Variants in NELL1 observed in about 807,000 individuals in gnomAD.
NELL1 encodes neural EGFL like 1.
In NELL1, 76 loss-of-function variants were observed where a neutral mutation model predicts 107.4. The observed-to-expected ratio is 0.71, with a 90% CI of 0.59 to 0.86. The LOEUF (loss-of-function observed/expected upper bound fraction) is 0.86, where lower values mean the gene tolerates loss of function less well. Among genes scored for constraint, NELL1 ranks in the 40% least tolerant of loss-of-function variants. The probability of loss-of-function intolerance (pLI) is 0.00; values close to 1 mark genes in which losing one functional copy is unlikely to be tolerated. For synonymous variants in NELL1, 353 were observed against 341.2 expected (o/e 1.03, Z -0.38); for missense variants, 1,024 against 1,005.5 (o/e 1.02, Z -0.25).
intron 15 of NELL1, among the ~76,000 whole-genome samples, chr11:21,507,038 T>C (rs1319868735): frequency 6.9e-6 from 1 of 145,830 alleles, no homozygotes; most frequent in African/African-American, 2.5e-5. Context: ...TAATGTGTTC[T>C]CCAAATTTTA....
intron 4 of NELL1, among the ~76,000 whole-genome samples, chr11:20,864,026 C>T (rs1849047030): frequency 6.6e-6 from 1 of 152,120 alleles, no homozygotes; most frequent in South Asian, 2.1e-4. Flanking sequence ...GAGAATCAGG[C>T]AGGGAGGCTG....
At chr11:20,880,228 C>T (rs1849383060) in intron 4 of NELL1, among the ~76,000 whole-genome samples, 1 of 152,136 alleles carries the variant, frequency 6.6e-6, no homozygotes, top group Non-Finnish European at 1.5e-5. Flanking sequence ...CATAAGTAAG[C>T]ATCTAAGATA....
At chr11:20,933,443 G>T (rs1016757730) in intron 9 of NELL1, among the ~76,000 whole-genome samples, 2 of 152,162 alleles carry the variant, frequency 1.3e-5, no homozygotes, top group African/African-American at 4.8e-5. Flanking sequence ...AATACATTCC[G>T]TTTGACATGT....
At chr11:21,268,887 G>A (rs1211001519) in intron 14 of NELL1, among the ~76,000 whole-genome samples, 1 of 152,056 alleles carries the variant, frequency 6.6e-6, no homozygotes, top group Non-Finnish European at 1.5e-5. Context: ...AACATGAAAA[G>A]GATTCTAATG....
intron 15 of NELL1, among the ~76,000 whole-genome samples, chr11:21,533,772 C>T (rs558136418): frequency 5.3e-4 from 80 of 152,274 alleles, no homozygotes; most frequent in Non-Finnish European, 9.0e-4. Context: ...AGTTCCCAAA[C>T]TGTGTTCCCC....
chr11:20,935,491 G>A (rs1451224819), intron 9 of NELL1, among the ~76,000 whole-genome samples: 1 of 152,154 alleles, frequency 6.6e-6, no homozygotes, highest in Admixed American at 6.5e-5. Flanking sequence ...TAGGGTGAAT[G>A]AAATCACGGG....
chr11:21,253,627 T>A (rs1206233182), intron 14 of NELL1, among the ~76,000 whole-genome samples: 1 of 152,156 alleles, frequency 6.6e-6, no homozygotes, highest in Non-Finnish European at 1.5e-5. Context: ...CAACTTGTGA[T>A]ACTTTTGGGA....
intron 15 of NELL1, among the ~76,000 whole-genome samples, chr11:21,434,034 T>A (rs557155841): frequency 6.6e-6 from 1 of 152,334 alleles, no homozygotes; most frequent in South Asian, 2.1e-4. Context: ...CATTTTTTAA[T>A]GGGATTATAT....
intron 12 of NELL1, among the ~76,000 whole-genome samples, chr11:21,094,367 T>A (rs1854591555): frequency 1.3e-5 from 2 of 152,240 alleles, no homozygotes; most frequent in African/African-American, 4.8e-5. Flanking sequence ...ATTGAGTGTC[T>A]GCATCTTTTC....
intron 11 of NELL1, among the ~76,000 whole-genome samples, chr11:20,956,079 C>A (rs561364673): frequency 1.3e-5 from 2 of 152,138 alleles, no homozygotes; most frequent in African/African-American, 4.8e-5. Context: ...ATTAGCCCGG[C>A]ATGGTGGTAC....
rs1285821673 is a variant in NELL1, at chr11:20,912,440, G to A, written c.604-5742G>A. ...TTGATTACCCACTCAATTTCCCTTT[G>A]ATGCATTCTGAGCTGATTATGCTGT... On this transcript the variant is annotated intron_variant, in intron 5 of 19. Coordinates refer to ENST00000357134, the MANE Select transcript of NELL1 (RefSeq NM_006157.5). Among the ~76,000 whole-genome samples the A allele has an allele frequency of 2.6e-5, 4 of 152,098 alleles. No individual in the cohort carries two copies. In the South Asian group the frequency reaches 8.3e-4, roughly 31 times the overall value.
In NELL1 at chr11:21,463,841, C is replaced by G. The variant is rs375444574; in HGVS notation, c.1646-70533C>G. Reference sequence around the variant, plus strand: ...AGATCTAGGGACTCAGATGGAAAGACTCCAGCTGGAAGACTCTAACCTGGA... The same window carrying G: ...AGATCTAGGGACTCAGATGGAAAGAGTCCAGCTGGAAGACTCTAACCTGGA... On this transcript the variant is annotated intron_variant, in intron 15 of 19. Coordinates refer to ENST00000357134, the MANE Select transcript of NELL1 (RefSeq NM_006157.5). Among the ~76,000 whole-genome samples, 353 of 152,204 alleles carry G rather than the reference C, an allele frequency of 2.3e-3. 1 individual carries two copies. The highest frequency in any genetic ancestry group is 4.2e-3 in the Non-Finnish European group (286 of 68,008).
At chr11:21,175,890 G>A (rs1856702272) in intron 13 of NELL1, among the ~76,000 whole-genome samples, 1 of 151,844 alleles carries the variant, frequency 6.6e-6, no homozygotes, top group Admixed American at 6.6e-5. Context: ...TGGGCATTTA[G>A]GATCTTTAGT....
At chr11:20,940,156 G>T (rs1027338982) in intron 10 of NELL1, among the ~76,000 whole-genome samples, 2 of 151,694 alleles carry the variant, frequency 1.3e-5, no homozygotes, top group African/African-American at 2.4e-5. Flanking sequence ...TGGTGTGCTC[G>T]CTCTCTCTCT....
intron 15 of NELL1, among the ~76,000 whole-genome samples, chr11:21,460,318 G>A (rs796511674): frequency 7.9e-5 from 12 of 152,178 alleles, no homozygotes; most frequent in African/African-American, 2.6e-4. Flanking sequence ...ACTATCCTAA[G>A]GTGCCCTGGG....
chr11:21,292,321 A>G (rs944292036), intron 14 of NELL1, among the ~76,000 whole-genome samples: 1 of 152,204 alleles, frequency 6.6e-6, no homozygotes, highest in African/African-American at 2.4e-5. Flanking sequence ...GTCAACTCCT[A>G]TTCACAATTG....
At chr11:20,790,709 T>G (rs2133990434) in intron 3 of NELL1, among the ~76,000 whole-genome samples, 1 of 152,326 alleles carries the variant, frequency 6.6e-6, no homozygotes, top group Middle Eastern at 3.4e-3. Flanking sequence ...GCCCTGCTCC[T>G]GCCTGCTCTA....
chr11:20,895,790 G>A (rs1457009576), intron 5 of NELL1, among the ~76,000 whole-genome samples: 3 of 152,062 alleles, frequency 2.0e-5, no homozygotes, highest in Non-Finnish European at 4.4e-5. Context: ...ACAGGCCTGA[G>A]CCACTGCGCC....
intron 13 of NELL1, among the ~76,000 whole-genome samples, chr11:21,161,207 T>C (rs945989091): frequency 6.6e-6 from 1 of 152,292 alleles, no homozygotes; most frequent in Non-Finnish European, 1.5e-5. Context: ...TGGGCTATTA[T>C]TTATTTCTTT....
Sources: allele counts gnomAD v4.1 joint callset (sites outside exome capture counted in the v4.1 genomes callset), GRCh38; gene constraint gnomAD v4.1.1; transcripts MANE v1.5; gene names NCBI Gene and HGNC (gene_info 2026-07-23, HGNC 2026-07-21).